The following RFPL1 variants were observed in gnomAD, a reference collection of about 807,000 sequenced individuals.
The protein encoded by RFPL1 is ret finger protein-like 1.
In RFPL1, 6 loss-of-function variants were observed where a neutral mutation model predicts 9.6. The ratio of observed to expected loss-of-function variants is 0.62; its 90% CI spans 0.34 to 1.23. RFPL1 has a LOEUF of 1.23. Among genes scored for constraint, RFPL1 ranks in the 50% most tolerant of loss-of-function variants. RFPL1 has a pLI of 0.03. For missense variants in RFPL1, 352 were observed against 398.4 expected (o/e 0.88, Z 0.99); for synonymous variants, 145 against 149.4 (o/e 0.97, Z 0.22).
At chr22:29,410,433 G>A in the RFPL1 span, among the ~76,000 whole-genome samples, 2 of 79,734 alleles carry the variant, frequency 2.5e-5, no homozygotes, top group South Asian at 3.2e-4. Flanking sequence ...ATATATTGTA[G>A]ATATATATAT....
upstream of RFPL1, among the ~76,000 whole-genome samples, chr22:29,435,909 G>A (rs1405016618): frequency 6.6e-6 from 1 of 152,150 alleles, no homozygotes; most frequent in African/African-American, 2.4e-5. Context: ...TCTCAGCCTG[G>A]AGGACATTAT....
the RFPL1 span, among the ~76,000 whole-genome samples, chr22:29,414,470 T>C: frequency 6.6e-6 from 1 of 152,202 alleles, no homozygotes; most frequent in African/African-American, 2.4e-5. Flanking sequence ...TGGCTTTTTT[T>C]TTCCTGGTTC....
At chr22:29,425,304 G>C in the RFPL1 span, among the ~76,000 whole-genome samples, 1 of 151,652 alleles carries the variant, frequency 6.6e-6, no homozygotes, top group African/African-American at 2.4e-5. Context: ...TTGCATCTGT[G>C]GAAGTCACGC....
the RFPL1 span, among the ~76,000 whole-genome samples, chr22:29,400,273 G>A: frequency 2.0e-5 from 3 of 152,148 alleles, no homozygotes; most frequent in Admixed American, 2.0e-4. Flanking sequence ...TGGGATTACA[G>A]GTGTGAGCCA....
chr22:29,410,435 T>TATATATATTGTAG, the RFPL1 span, among the ~76,000 whole-genome samples: 21 of 93,996 alleles, frequency 2.2e-4, no homozygotes, highest in African/African-American at 8.9e-4. Context: ...ATATTGTAGA[T>TATATATATTGTAG]ATATATATCT....
chr22:29,392,345 G>A, the RFPL1 span, among the ~76,000 whole-genome samples: 1 of 139,260 alleles, frequency 7.2e-6, no homozygotes, highest in African/African-American at 2.7e-5. Context: ...CTCCCACAGT[G>A]CTGGGATTAT....
At chr22:29,394,963 C>T in the RFPL1 span, among the ~76,000 whole-genome samples, 16 of 152,228 alleles carry the variant, frequency 1.1e-4, no homozygotes, top group South Asian at 8.3e-4. Context: ...GTTGAGAGTT[C>T]GTGCGGTCTC....
the RFPL1 span, among the ~76,000 whole-genome samples, chr22:29,398,130 A>G: frequency 1.3e-5 from 2 of 152,136 alleles, no homozygotes; most frequent in Non-Finnish European, 2.9e-5. Flanking sequence ...ATCTGAGACC[A>G]CCACTGGGGC....
At chr22:29,403,431 G>A in the RFPL1 span, among the ~76,000 whole-genome samples, 1 of 152,160 alleles carries the variant, frequency 6.6e-6, no homozygotes, top group Admixed American at 6.5e-5. Context: ...ATTACAGCCT[G>A]GGGATTACTG....
the RFPL1 span, among the ~76,000 whole-genome samples, chr22:29,420,367 G>A: frequency 2.0e-5 from 3 of 152,168 alleles, no homozygotes; most frequent in Non-Finnish European, 4.4e-5. Context: ...GTCTCGCTCT[G>A]TCACCCAGGC....
the RFPL1 span, among the ~76,000 whole-genome samples, chr22:29,415,850 CTGTGATCTATAGATAGCA>C: frequency 8.5e-5 from 13 of 152,304 alleles, no homozygotes; most frequent in East Asian, 2.1e-3. Flanking sequence ...ACACCATTGT[CTGTGATCTATAGATAGCA>C]CAAGCGATTA....
the RFPL1 span, among the ~76,000 whole-genome samples, chr22:29,407,331 C>A: frequency 6.6e-6 from 1 of 152,056 alleles, no homozygotes; most frequent in Admixed American, 6.6e-5. Flanking sequence ...TAGTAAAGGA[C>A]ATCTCAAATA....
chr22:29,417,173 G>C, the RFPL1 span, among the ~76,000 whole-genome samples: 6 of 152,080 alleles, frequency 3.9e-5, no homozygotes, highest in East Asian at 1.2e-3. Flanking sequence ...AGGCCGACTC[G>C]CTCTTTGGGG....
upstream of RFPL1, chr22:29,438,112 G>A (rs1202941589): frequency 2.2e-5 from 4 of 181,514 alleles, no homozygotes; most frequent in South Asian, 1.2e-4. Flanking sequence ...TGGCTCAAGG[G>A]ATCTTCCAGC....
At chr22:29,412,665 A>C in the RFPL1 span, among the ~76,000 whole-genome samples, 2 of 152,192 alleles carry the variant, frequency 1.3e-5, no homozygotes, top group Non-Finnish European at 2.9e-5. Context: ...TGGGGAAGAC[A>C]CATTAGGCCC....
At chr22:29,422,872 C>T in the RFPL1 span, among the ~76,000 whole-genome samples, 101 of 152,180 alleles carry the variant, frequency 6.6e-4, no homozygotes, top group Non-Finnish European at 1.3e-3. Context: ...TGTCTTCTTT[C>T]CCCTGGAAAC....
At chr22:29,422,198 T>C in the RFPL1 span, among the ~76,000 whole-genome samples, 1 of 152,190 alleles carries the variant, frequency 6.6e-6, no homozygotes, top group East Asian at 1.9e-4. Flanking sequence ...AGCTACTCAA[T>C]AGACTCAATC....
the RFPL1 span, among the ~76,000 whole-genome samples, chr22:29,425,404 G>A: frequency 2.6e-5 from 4 of 152,186 alleles, no homozygotes; most frequent in South Asian, 8.3e-4. Context: ...TGGGGAGGCC[G>A]TGGGCTGCAT....
chr22:29,440,392 T>G (rs139078457), intron 1 of RFPL1: 2 of 152,320 alleles, frequency 1.3e-5, no homozygotes, highest in East Asian at 3.9e-4. Context: ...TCATATGTTC[T>G]GTAGATTTTT....
Sources: gnomAD v4.1 joint callset for allele counts (sites outside exome capture counted in the v4.1 genomes callset) on GRCh38, gnomAD v4.1.1 for gene constraint, MANE v1.5 for transcripts, NCBI Gene and HGNC (gene_info 2026-07-23, HGNC 2026-07-21) for gene names.